STARD6: variants seen among roughly 807,000 people sequenced by gnomAD.
The protein encoded by STARD6 is StAR related lipid transfer domain containing 6.
In STARD6, 21 loss-of-function variants were observed where a neutral mutation model predicts 22.3. The observed-to-expected ratio is 0.94, with a 90% CI of 0.67 to 1.35. The LOEUF (loss-of-function observed/expected upper bound fraction) is 1.35, where lower values mean the gene tolerates loss of function less well. Among genes scored for constraint, STARD6 ranks in the 40% most tolerant of loss-of-function variants. STARD6 has a pLI of 0.00. For missense variants in STARD6, 269 were observed against 266.9 expected, an observed-to-expected ratio of 1.01 and a Z score of -0.05; for synonymous variants, 80 against 88.1, an observed-to-expected ratio of 0.91 and a Z score of 0.52.
intron 7 of STARD6, among the ~76,000 whole-genome samples, chr18:54,327,415 T>C (rs887771868): frequency 6.6e-6 from 1 of 152,144 alleles, no homozygotes; most frequent in Non-Finnish European, 1.5e-5. Flanking sequence ...TAAAATATAT[T>C]CTATTAGAAT....
chr18:54,341,171 T>A (rs978075727), intron 4 of STARD6, among the ~76,000 whole-genome samples: 7 of 152,158 alleles, frequency 4.6e-5, no homozygotes, highest in Non-Finnish European at 1.0e-4. Context: ...GCCATTCTCC[T>A]GCCTCAGCCT....
chr18:54,326,578 C>T (rs1010283088), intron 7 of STARD6, among the ~76,000 whole-genome samples: 8 of 150,840 alleles, frequency 5.3e-5, no homozygotes, highest in South Asian at 2.1e-4. Flanking sequence ...GTGATCCACC[C>T]GCCTCAGCCT....
chr18:54,324,714 A>T lies in STARD6; in HGVS notation c.641T>A (p.Phe214Tyr). 6.2e-7 allele frequency: 1 copy of T among 1,613,336 alleles called. No homozygotes were observed. ...KAHRTPSRRG[F>Y]HHNSHS ...GTATCATGAATGACTATTATGATGA[A>T]ATCCACGTCTTGATGGAGTTCTGTG... The change falls in exon 8 of 8, where the codon TTT becomes TAT. Residue 214 changes from phenylalanine (F) to tyrosine (Y), a missense_variant. Coordinates refer to ENST00000307844, the MANE Select transcript of STARD6 (RefSeq NM_139171.2).
At chr18:54,334,412 G>A (rs1202033323) in intron 5 of STARD6, among the ~76,000 whole-genome samples, 1 of 151,950 alleles carries the variant, frequency 6.6e-6, no homozygotes, top group Non-Finnish European at 1.5e-5. Context: ...CACACCAATG[G>A]CTTCCCACTG....
At chr18:54,330,889 G>A (rs1159267603) in intron 6 of STARD6, among the ~76,000 whole-genome samples, 2 of 152,034 alleles carry the variant, frequency 1.3e-5, no homozygotes, top group African/African-American at 4.8e-5. Context: ...TCAAAAATGA[G>A]ACAACGAAAC....
chr18:54,332,468 G>A (rs2088873242), intron 5 of STARD6, among the ~76,000 whole-genome samples: 1 of 152,158 alleles, frequency 6.6e-6, no homozygotes, highest in South Asian at 2.1e-4. Flanking sequence ...GGTGGCCCAT[G>A]GAATCATTCA....
At position 54,337,212 on chromosome 18, in the gene STARD6, T is replaced by A. The variant is rs1407428011; in HGVS notation, c.180A>T (p.Lys60Asn). ...CAGTTTGGTAGAGGAAATCAGATAG[T>A]TTAGCTGGTGATTCTGGAATTATCC... ...VEGIIPESPA[K>N]LSDFLYQTGD... Residue 60 changes from lysine (K) to asparagine (N), a missense_variant, in exon 5 of 8, where the codon AAA (lysine) becomes AAT (asparagine). Coordinates refer to ENST00000307844, the MANE Select transcript of STARD6 (RefSeq NM_139171.2). 6.2e-7 allele frequency: 1 copy of A among 1,613,452 alleles called. No homozygotes were observed.
chr18:54,331,031 T>C (rs1466702077), intron 6 of STARD6, among the ~76,000 whole-genome samples: 2 of 152,078 alleles, frequency 1.3e-5, no homozygotes, highest in African/African-American at 4.8e-5. Context: ...GGAACTGAAA[T>C]CTTGTTGGGA....
chr18:54,352,043 T>C (rs2089102871), intron 4 of STARD6, among the ~76,000 whole-genome samples: 1 of 151,956 alleles, frequency 6.6e-6, no homozygotes, highest in African/African-American at 2.4e-5. Context: ...GAATGTCTGA[T>C]AAAATTCAGC....
rs1055260216 is a variant in STARD6, at chr18:54,353,566, G to A, written c.140+488C>T. Among the ~76,000 whole-genome samples, 14 of 152,230 alleles carry A rather than the reference G, an allele frequency of 9.2e-5. No homozygotes were observed. The South Asian group carries it at 1.0e-3, about 11-fold the overall frequency. On this transcript the variant is annotated intron_variant, in intron 4 of 7. Coordinates refer to ENST00000307844, the MANE Select transcript of STARD6 (RefSeq NM_139171.2). ...TCCCAGTTATTCAGGAGGCCGAGGCGGAAGGACTGCTTGAGCCCAGAAGGC... is the reference window on the plus strand; with the variant it reads ...TCCCAGTTATTCAGGAGGCCGAGGCAGAAGGACTGCTTGAGCCCAGAAGGC...
intron 5 of STARD6, among the ~76,000 whole-genome samples, chr18:54,334,800 C>T (rs1401179152): frequency 6.6e-6 from 1 of 152,054 alleles, no homozygotes; most frequent in Non-Finnish European, 1.5e-5. Flanking sequence ...CCTTCATTAT[C>T]TGGTAAGTTT....
At chr18:54,336,633 T>C (rs370340770) in intron 5 of STARD6, among the ~76,000 whole-genome samples, 1 of 152,220 alleles carries the variant, frequency 6.6e-6, no homozygotes, top group East Asian at 1.9e-4. Context: ...CTCATGATAG[T>C]GAGTGAGTTC....
chr18:54,334,736 C>T (rs2088893812), intron 5 of STARD6, among the ~76,000 whole-genome samples: 1 of 152,078 alleles, frequency 6.6e-6, no homozygotes, highest in Non-Finnish European at 1.5e-5. Flanking sequence ...TTAGCTTCTC[C>T]TGGTTATTGC....
intron 6 of STARD6, among the ~76,000 whole-genome samples, chr18:54,330,740 T>C (rs2088858824): frequency 6.6e-6 from 1 of 152,084 alleles, no homozygotes; most frequent in African/African-American, 2.4e-5. Flanking sequence ...CCTCTACTTC[T>C]TTTTTTAGCT....
intron 6 of STARD6, among the ~76,000 whole-genome samples, chr18:54,329,873 A>AT (rs2088852515): frequency 6.7e-6 from 1 of 150,206 alleles, no homozygotes; most frequent in Admixed American, 6.6e-5. Context: ...TGTGTTAATC[A>AT]TGTTTTTTTT....
At chr18:54,341,451 G>T (rs573761877) in intron 4 of STARD6, among the ~76,000 whole-genome samples, 138 of 152,202 alleles carry the variant, frequency 9.1e-4, no homozygotes, top group African/African-American at 3.1e-3. Flanking sequence ...GACACCTATG[G>T]AACACTCCTA....
At chr18:54,335,798 A>G (rs187099614) in intron 5 of STARD6, among the ~76,000 whole-genome samples, 1 of 152,198 alleles carries the variant, frequency 6.6e-6, no homozygotes, top group East Asian at 1.9e-4. Flanking sequence ...TGGTAACAGA[A>G]GAGTTACCTG....
chr18:54,328,750 C>G (rs190492247), intron 7 of STARD6, among the ~76,000 whole-genome samples: 1 of 151,926 alleles, frequency 6.6e-6, no homozygotes, highest in South Asian at 2.1e-4. Flanking sequence ...ATTTAAGGAA[C>G]TTGTGAAATG....
At chr18:54,350,865 A>G (rs1043028726) in intron 4 of STARD6, among the ~76,000 whole-genome samples, 2 of 152,116 alleles carry the variant, frequency 1.3e-5, no homozygotes, top group Non-Finnish European at 1.5e-5. Flanking sequence ...TACTAGTCCC[A>G]TGGTGTTTGG....
Sources: gnomAD v4.1 joint callset for allele counts (sites outside exome capture counted in the v4.1 genomes callset) on GRCh38, gnomAD v4.1.1 for gene constraint, MANE v1.5 for transcripts, NCBI Gene and HGNC (gene_info 2026-07-23, HGNC 2026-07-21) for gene names.